The following OGFOD1 variants were observed in gnomAD, a reference collection of about 807,000 sequenced individuals.
The protein encoded by OGFOD1 is prolyl 3-hydroxylase OGFOD1.
Under a neutral mutation model 67.7 loss-of-function variants are expected in OGFOD1, and 54 were observed. The observed-to-expected ratio is 0.80, with a 90% CI of 0.64 to 1.00. The LOEUF is 1.00. Ranked by LOEUF, OGFOD1 falls within the 50% of genes least tolerant of loss-of-function variation. OGFOD1 has a pLI of 0.00. For missense variants in OGFOD1, 606 were observed against 646.7 expected (o/e 0.94, Z 0.68); for synonymous variants, 221 against 227.0 (o/e 0.97, Z 0.24).
At chr16:56,454,872 G>A in intron 2 of OGFOD1, 1 of 360,024 alleles carries the variant, frequency 2.8e-6, no homozygotes, top group South Asian at 2.0e-5. Flanking sequence ...ATACATGAAA[G>A]ATATGACTCT....
intron 3 of OGFOD1, among the ~76,000 whole-genome samples, chr16:56,460,548 C>A (rs1352922958): frequency 6.6e-6 from 1 of 152,180 alleles, no homozygotes; most frequent in Non-Finnish European, 1.5e-5. Context: ...ACATAATTTC[C>A]AACTCTGCCT....
intron 2 of OGFOD1, among the ~76,000 whole-genome samples, chr16:56,455,366 C>CAA (rs780229604): frequency 5.8e-5 from 4 of 68,674 alleles, no homozygotes; most frequent in Admixed American, 1.8e-4. Context: ...GACTCCACCT[C>CAA]AAAAAAAAAA....
chr16:56,466,701 C>T (rs1228531233), intron 5 of OGFOD1, 175 bp from the exon 6 acceptor site: 4 of 641,686 alleles, frequency 6.2e-6, no homozygotes, highest in Non-Finnish European at 1.1e-5. Context: ...GTAGTAAGAA[C>T]AGATGCCACG....
chr16:56,475,726 A>C (rs1963439479), intron 12 of OGFOD1, among the ~76,000 whole-genome samples, 161 bp downstream of exon 12: 1 of 152,254 alleles, frequency 6.6e-6, no homozygotes, highest in Non-Finnish European at 1.5e-5. Flanking sequence ...GATGGAATAA[A>C]GATGCTAAAG....
chr16:56,458,129 A>G (rs1162311681), intron 2 of OGFOD1: 4 of 198,956 alleles, frequency 2.0e-5, no homozygotes, highest in African/African-American at 7.1e-5. Flanking sequence ...GCCTCCTTCA[A>G]GTCTTTGTAT....
Position 56,474,842 on chromosome 16 carries a change from A to G in OGFOD1, c.1300A>G (p.Met434Val), listed in dbSNP as rs1221879012. The change falls in exon 11 of 13, where the codon ATG (methionine) becomes GTG (valine). Residue 434 changes from methionine (M) to valine (V), a missense_variant. Coordinates refer to ENST00000566157, the MANE Select transcript of OGFOD1 (RefSeq NM_018233.4). ...TTTTTCCTTAGAATCAAGTGTTCCC[A>G]TGTGCCAAGGGGAACTGAGGCATTG... is the stretch of plus-strand genomic sequence containing the variant. ...NETKKESSVP[M>V]CQGELRHWKT... The G allele has an allele frequency of 5.6e-6, 9 of 1,609,902 alleles. No homozygotes were observed. The highest frequency in any genetic ancestry group is 7.6e-6 in the Non-Finnish European group (9 of 1,178,166).
rs1283293449 is a variant in OGFOD1, at chr16:56,462,593, A to C, written c.407A>C (p.Glu136Ala). The C allele has an allele frequency of 3.1e-6, 5 of 1,612,696 alleles. No individual in the cohort carries two copies. The highest frequency in any genetic ancestry group is 2.2e-5 in the South Asian group (2 of 91,072). The change falls in exon 4 of 13, where the codon GAA (glutamate) becomes GCA (alanine). Residue 136 changes from glutamate to alanine, a missense_variant. By Grantham distance (107) the Glu-to-Ala change is moderately radical. Coordinates refer to ENST00000566157, the MANE Select transcript of OGFOD1 (RefSeq NM_018233.4). ...WLSDISKIDLESTIDMSCAKY... is the reference protein window; with the variant it reads ...WLSDISKIDLASTIDMSCAKY... ...TCTGATATTTCTAAAATTGACCTGG[A>C]ATCAACCATTGACATGTCCTGTGCT...
intron 4 of OGFOD1, 30 bp downstream of exon 4, chr16:56,462,664 A>G: frequency 7.6e-7 from 1 of 1,317,326 alleles, no homozygotes; most frequent in Non-Finnish European, 1.1e-6. Context: ...GGTGTCTGTA[A>G]GATATAAAGG....
At chr16:56,461,481 A>G in intron 3 of OGFOD1, among the ~76,000 whole-genome samples, 1 of 152,270 alleles carries the variant, frequency 6.6e-6, no homozygotes, top group South Asian at 2.1e-4. Context: ...TAGTAAACAA[A>G]CTTCTTCTGA....
chr16:56,469,298 A>T (rs116251503), intron 8 of OGFOD1, among the ~76,000 whole-genome samples: 434 of 152,310 alleles, frequency 2.8e-3, no homozygotes, highest in African/African-American at 0.01. Flanking sequence ...TTATACAGAG[A>T]TTGTCACGGT....
In OGFOD1 at chr16:56,470,387, G is replaced by A. The variant is rs531380275; in HGVS notation, c.981-100G>A. On this transcript the variant is annotated intron_variant, in intron 9 of 12. Transcript: ENST00000566157. ...CTTGTGCCTTAGTAAGCTGTGCCAA[G>A]ATTTAGGAAGAGAGGTACAAAGCTA... The A allele has an allele frequency of 3.7e-5, 42 of 1,145,976 alleles. 1 individual carries two copies. In the South Asian group the frequency reaches 4.0e-4, roughly 11 times the overall value. 71.0% of individuals were successfully genotyped at this position (1,145,976 alleles called of 1,614,324 possible). A position where few individuals can be genotyped will look rare whatever the true frequency, so the allele number is the denominator to read the frequency against.
At chr16:56,451,531 A>C (rs111983939), upstream of OGFOD1, 1 of 1,487,074 alleles carries the variant, frequency 6.7e-7, no homozygotes, top group Non-Finnish European at 9.2e-7. Flanking sequence ...AAACACGATA[A>C]AGGGGACATG....
intron 5 of OGFOD1, 86 bp downstream of exon 5, chr16:56,466,354 A>G: frequency 1.2e-6 from 1 of 833,634 alleles, no homozygotes; most frequent in Non-Finnish European, 2.0e-6. Flanking sequence ...GTTTTTGTAT[A>G]CAATGTCTGT....
chr16:56,474,317 CTTTT>C (rs770427579), intron 10 of OGFOD1, among the ~76,000 whole-genome samples: 2 of 130,072 alleles, frequency 1.5e-5, no homozygotes, highest in East Asian at 2.2e-4. Flanking sequence ...CAAAATTCAA[CTTTT>C]TTTTTTTTTT....
intron 10 of OGFOD1, among the ~76,000 whole-genome samples, chr16:56,474,238 TGTC>T (rs1185308763): frequency 6.6e-6 from 1 of 152,138 alleles, no homozygotes; most frequent in Non-Finnish European, 1.5e-5. Flanking sequence ...ATAATATTCA[TGTC>T]GTATTTTTTA....
chr16:56,460,701 T>TA (rs1428797329), intron 3 of OGFOD1, among the ~76,000 whole-genome samples: 1 of 152,246 alleles, frequency 6.6e-6, no homozygotes, highest in Non-Finnish European at 1.5e-5. Flanking sequence ...AATGAAATCT[T>TA]AGAGATCAAC....
intron 10 of OGFOD1, among the ~76,000 whole-genome samples, chr16:56,473,258 T>G (rs1280338843): frequency 2.6e-5 from 4 of 152,196 alleles, no homozygotes; most frequent in African/African-American, 9.7e-5. Context: ...GTATCTGCTT[T>G]CCAACATTGC....
At chr16:56,453,634 T>A (rs1285226474) in intron 2 of OGFOD1, 2 of 363,590 alleles carry the variant, frequency 5.5e-6, no homozygotes, top group Admixed American at 8.6e-5. Context: ...CCTGTAAGAC[T>A]TTAAAATCTA....
chr16:56,466,642 G>A (rs769859576), intron 5 of OGFOD1, among the ~76,000 whole-genome samples: 6 of 152,172 alleles, frequency 3.9e-5, no homozygotes, highest in Non-Finnish European at 8.8e-5. Context: ...GTTGACTCCA[G>A]GAAACTTTGA....
Sources: allele counts gnomAD v4.1 joint callset (sites outside exome capture counted in the v4.1 genomes callset), GRCh38; gene constraint gnomAD v4.1.1; transcripts MANE v1.5; gene names NCBI Gene and HGNC (gene_info 2026-07-23, HGNC 2026-07-21).